The following NRXN3 variants were observed in gnomAD, a reference collection of about 807,000 sequenced individuals.
The protein encoded by NRXN3 is neurexin 3.
A neutral mutation model predicts 137.6 loss-of-function variants in NRXN3; 32 were observed. That is an observed-to-expected ratio of 0.23 (90% CI 0.18 to 0.31). The LOEUF (loss-of-function observed/expected upper bound fraction) is 0.31, where lower values mean the gene tolerates loss of function less well. Ranked by LOEUF, NRXN3 falls within the 10% of genes least tolerant of loss-of-function variation. NRXN3 has a pLI of 1.00. For synonymous variants in NRXN3, 798 were observed against 784.5 expected (o/e 1.02, Z -0.29); for missense variants, 1,574 against 2,062.5 (o/e 0.76, Z 4.59).
intron 4 of NRXN3, among the ~76,000 whole-genome samples, chr14:78,428,326 C>G (rs1257549122): frequency 1.3e-5 from 2 of 152,120 alleles, no homozygotes. Context: ...CTAATTCAAC[C>G]CTAAGCCAAA....
intron 4 of NRXN3, among the ~76,000 whole-genome samples, chr14:78,610,168 T>C (rs1266723667): frequency 6.6e-6 from 1 of 152,170 alleles, no homozygotes; most frequent in Non-Finnish European, 1.5e-5. Context: ...AAAATGATGT[T>C]GGACTAAGTC....
At chr14:79,441,893 C>T (rs533610464) in intron 15 of NRXN3, among the ~76,000 whole-genome samples, 36 of 151,580 alleles carry the variant, frequency 2.4e-4, no homozygotes, top group Admixed American at 1.9e-3. Context: ...CCTCCTTCTC[C>T]GCCAAATTCA....
chr14:79,097,057 T>C (rs1217937777), intron 15 of NRXN3, among the ~76,000 whole-genome samples: 2 of 151,990 alleles, frequency 1.3e-5, no homozygotes, highest in African/African-American at 2.4e-5. Flanking sequence ...CTGGAATTTC[T>C]TCAATATAGA....
At chr14:79,004,604 T>C (rs757181474) in intron 15 of NRXN3, among the ~76,000 whole-genome samples, 1 of 152,196 alleles carries the variant, frequency 6.6e-6, no homozygotes, top group Non-Finnish European at 1.5e-5. Flanking sequence ...CGACCAGGAA[T>C]GAACAAGTAA....
rs143986367 is a variant in NRXN3, at chr14:79,845,930, GAGAC to G, written c.4094-15404_4094-15401del. Among the ~76,000 whole-genome samples the G allele has an allele frequency of 3.9e-5, 6 of 151,950 alleles. No homozygotes were observed. The East Asian group carries it at 7.8e-4, about 20-fold the overall frequency. On this transcript the variant is annotated intron_variant, in intron 20 of 20. Coordinates refer to ENST00000335750, the MANE Select transcript of NRXN3 (RefSeq NM_001330195.2). ...AGAGAGACGGAGACAGAGAGAGATG[GAGAC>G]AGACAGAGACAGACAGGGAGAGAGA...
At chr14:78,214,402 A>G (rs1422671733) in intron 1 of NRXN3, among the ~76,000 whole-genome samples, 2 of 152,124 alleles carry the variant, frequency 1.3e-5, no homozygotes, top group Non-Finnish European at 2.9e-5. Flanking sequence ...CCTTGGTGGC[A>G]TTTGTTACAG....
At chr14:79,667,993 G>A (rs2098576846) in intron 17 of NRXN3, among the ~76,000 whole-genome samples, 1 of 151,910 alleles carries the variant, frequency 6.6e-6, no homozygotes, top group African/African-American at 2.4e-5. Context: ...AGGCTTCCTG[G>A]GACATGCAGA....
intron 15 of NRXN3, among the ~76,000 whole-genome samples, chr14:79,208,074 CA>C (rs1175130312): frequency 6.6e-6 from 1 of 151,958 alleles, no homozygotes; most frequent in Non-Finnish European, 1.5e-5. Context: ...TTAAAGGAAC[CA>C]GATTATCATA....
chr14:79,392,874 G>A (rs573617600), intron 15 of NRXN3, among the ~76,000 whole-genome samples: 2 of 148,260 alleles, frequency 1.3e-5, no homozygotes, highest in South Asian at 4.3e-4. Context: ...GGAGTCTGAG[G>A]CAGGAGAATT....
At position 78,947,257 on chromosome 14, in the gene NRXN3, ATGCCAAAGAGGC is replaced by A. The variant is rs1373517173; in HGVS notation, c.2276-9981_2276-9970del. ...TAAGCTGATAGGCCTTGTAATTACC[ATGCCAAAGAGGC>A]TGCAAATATCCCTCTTTTCCCAATT... On this transcript the variant is annotated intron_variant, in intron 10 of 20. Transcript: ENST00000335750. Among the ~76,000 whole-genome samples, 5 of 152,216 alleles carry A rather than the reference ATGCCAAAGAGGC, an allele frequency of 3.3e-5. No homozygotes were observed. The East Asian group carries it at 9.6e-4, about 29-fold the overall frequency.
intron 6 of NRXN3, among the ~76,000 whole-genome samples, chr14:78,708,841 T>C (rs544370258): frequency 8.3e-4 from 126 of 152,298 alleles, no homozygotes; most frequent in Non-Finnish European, 1.5e-3. Context: ...CTATTGATGG[T>C]CATTTAGGTT....
At chr14:79,479,848 G>A (rs1283063554) in intron 16 of NRXN3, among the ~76,000 whole-genome samples, 1 of 152,098 alleles carries the variant, frequency 6.6e-6, no homozygotes, top group African/African-American at 2.4e-5. Flanking sequence ...ATGCAGTGCG[G>A]TAGAATAAGT....
intron 8 of NRXN3, among the ~76,000 whole-genome samples, chr14:78,752,924 T>A (rs2098649891): frequency 6.6e-6 from 1 of 152,220 alleles, no homozygotes. Context: ...ATGTCCTGAT[T>A]GTCATCCAGG....
chr14:78,345,618 C>T (rs1455763150), intron 4 of NRXN3, among the ~76,000 whole-genome samples: 1 of 152,086 alleles, frequency 6.6e-6, no homozygotes, highest in Non-Finnish European at 1.5e-5. Context: ...CTCTCCTCCC[C>T]TCTCTTTTAT....
At chr14:79,507,505 T>G (rs903834247) in intron 16 of NRXN3, among the ~76,000 whole-genome samples, 23 of 152,258 alleles carry the variant, frequency 1.5e-4, no homozygotes, top group Non-Finnish European at 2.6e-4. Context: ...TTTCTTTGAA[T>G]ACAAATGCCT....
intron 15 of NRXN3, among the ~76,000 whole-genome samples, chr14:79,320,332 A>G (rs1444319886): frequency 2.0e-5 from 3 of 152,216 alleles, no homozygotes; most frequent in Admixed American, 6.5e-5. Flanking sequence ...ACATTTTTCT[A>G]CAGTAAGTAT....
At chr14:78,884,074 G>A (rs1436160326) in intron 10 of NRXN3, among the ~76,000 whole-genome samples, 5 of 151,908 alleles carry the variant, frequency 3.3e-5, no homozygotes, top group Non-Finnish European at 7.4e-5. Flanking sequence ...ACTCCATTTA[G>A]TTTTCTTCAG....
At chr14:78,684,545 C>G (rs2098108639) in intron 6 of NRXN3, among the ~76,000 whole-genome samples, 1 of 152,130 alleles carries the variant, frequency 6.6e-6, no homozygotes. Context: ...TGGCTCACAC[C>G]TGTAATCCCA....
At chr14:78,347,254 A>G (rs2082869729) in intron 4 of NRXN3, among the ~76,000 whole-genome samples, 1 of 152,190 alleles carries the variant, frequency 6.6e-6, no homozygotes, top group South Asian at 2.1e-4. Flanking sequence ...ACAGCAAAGG[A>G]GGAAGAAAAA....
Sources: gnomAD v4.1 joint callset for allele counts (sites outside exome capture counted in the v4.1 genomes callset) on GRCh38, gnomAD v4.1.1 for gene constraint, MANE v1.5 for transcripts, NCBI Gene and HGNC (gene_info 2026-07-23, HGNC 2026-07-21) for gene names.